The following MID1 variants were observed in gnomAD, a reference collection of about 807,000 sequenced individuals.
MID1 encodes the protein midline 1.
MID1 carries 7 observed loss-of-function variants against 40.4 expected under a neutral mutation model. The observed-to-expected ratio is 0.17, with a 90% confidence interval of 0.10 to 0.33. The LOEUF (loss-of-function observed/expected upper bound fraction) is 0.33. MID1 is among the 10% of genes least tolerant of loss of function. MID1 has a pLI of 1.00. For missense variants in MID1, 367 were observed against 558.5 expected (o/e 0.66, Z 3.46); for synonymous variants, 229 against 221.2 (o/e 1.04, Z -0.31).
At chrX:10,456,030 C>A (rs1928644313) in intron 8 of MID1, among the ~76,000 whole-genome samples, 1 of 112,363 alleles carries the variant, frequency 8.9e-6, no homozygotes, top group Non-Finnish European at 1.9e-5. Flanking sequence ...CAACCTGATA[C>A]AAATGCCATG....
Position 10,767,885 on chromosome X carries a change from G to T in MID1, c.-187+65669C>A, listed in dbSNP as rs2043741960. On this transcript the variant is annotated intron_variant, in intron 1 of 10. Coordinates refer to the MID1 transcript ENST00000380785. ...ATGAAATTAAGTATACATATTTATT[G>T]AATAAATCAATGTATTTATTAGATT... is the stretch of plus-strand genomic sequence containing the variant. Among the ~76,000 whole-genome samples the T allele has an allele frequency of 2.7e-5, 3 of 111,630 alleles. No individual in the cohort carries two copies. The South Asian group carries it at 1.1e-3, about 41-fold the overall frequency.
chrX:10,806,268 T>C (rs1299208309), intron 1 of MID1, among the ~76,000 whole-genome samples: 2 of 112,185 alleles, frequency 1.8e-5, no homozygotes, highest in Non-Finnish European at 3.8e-5. Flanking sequence ...AAGGAAGCGA[T>C]CCAGTTTCAG....
intron 1 of MID1, among the ~76,000 whole-genome samples, chrX:10,795,145 C>A (rs751818891): frequency 2.7e-4 from 30 of 111,747 alleles, no homozygotes; most frequent in African/African-American, 9.1e-4. Context: ...CCTTCTCCCC[C>A]CAAAATGTGA....
chrX:10,721,129 C>T (rs1303507666), intron 1 of MID1, among the ~76,000 whole-genome samples: 1 of 110,358 alleles, frequency 9.1e-6, no homozygotes, highest in Non-Finnish European at 1.9e-5. Context: ...AGCACGCCAA[C>T]ATGGCACATG....
intron 3 of MID1, chrX:10,505,877 C>T: frequency 1.3e-6 from 1 of 753,521 alleles, no homozygotes; most frequent in Non-Finnish European, 1.6e-6. Context: ...TGAGTTGGAC[C>T]CCTTTTTGGG....
At chrX:10,456,835 TC>T (rs1199350421) in intron 8 of MID1, among the ~76,000 whole-genome samples, 2 of 110,298 alleles carry the variant, frequency 1.8e-5, no homozygotes, top group Non-Finnish European at 3.8e-5. Flanking sequence ...AGGCACTGTC[TC>T]AAAAAAATAA....
At chrX:10,525,425 T>C (rs997518599) in intron 2 of MID1, among the ~76,000 whole-genome samples, 3 of 112,386 alleles carry the variant, frequency 2.7e-5, no homozygotes, top group Non-Finnish European at 5.6e-5. Context: ...CTCTTCTCCA[T>C]AATCTCAAAA....
At chrX:10,826,712 T>G (rs1164843194) in intron 1 of MID1, among the ~76,000 whole-genome samples, 2 of 111,786 alleles carry the variant, frequency 1.8e-5, no homozygotes, top group Non-Finnish European at 3.8e-5. Flanking sequence ...AACATATACC[T>G]CCATTTTATA....
intron 2 of MID1, among the ~76,000 whole-genome samples, chrX:10,558,211 C>A (rs1273648262): frequency 9.0e-6 from 1 of 111,446 alleles, no homozygotes; most frequent in Non-Finnish European, 1.9e-5. Flanking sequence ...CATTTGGCAC[C>A]CTGTGCTCTA....
intron 1 of MID1, among the ~76,000 whole-genome samples, chrX:10,662,677 T>C (rs2042923403): frequency 1.8e-5 from 2 of 112,106 alleles, no homozygotes; most frequent in Admixed American, 9.4e-5. Flanking sequence ...GTGCAATAAT[T>C]CTTCACATTC....
rs987588005 is a variant in MID1 at position 10,446,764 on chromosome X, G to A, written c.*2604C>T. ...ACAGCAGAGCATTAAATCAGGCTTAGGGCCCTTCTGAACTCCTGGGCTCTG... is the reference window on the plus strand; with the variant it reads ...ACAGCAGAGCATTAAATCAGGCTTAAGGCCCTTCTGAACTCCTGGGCTCTG... On this transcript the variant is annotated 3_prime_UTR_variant, in exon 10 of 10. Coordinates refer to ENST00000317552, the MANE Select transcript of MID1 (RefSeq NM_000381.4). 8 of 111,853 alleles carry A rather than the reference G, an allele frequency of 7.2e-5. No individual in the cohort carries two copies. The highest frequency in any genetic ancestry group is 2.6e-4 in the African/African-American group (8 of 30,646). 9.2% of individuals were successfully genotyped at this position (111,853 alleles called of 1,213,427 possible). A position where few individuals can be genotyped will look rare whatever the true frequency, so the allele number is the denominator to read the frequency against.
At chrX:10,523,607 G>T (rs763696779) in intron 2 of MID1, among the ~76,000 whole-genome samples, 7 of 112,221 alleles carry the variant, frequency 6.2e-5, no homozygotes, top group South Asian at 3.7e-4. Context: ...GGCAGGCTGA[G>T]GCTAATCCCT....
intron 1 of MID1, among the ~76,000 whole-genome samples, chrX:10,805,647 C>A (rs1380487394): frequency 2.5e-5 from 2 of 78,817 alleles, no homozygotes; most frequent in Non-Finnish European, 4.8e-5. Context: ...AATCGCCACA[C>A]TGACTTCCAC....
Position 10,469,801 on chromosome X carries a change from G to A in MID1, c.1181C>T (p.Ala394Val). ...PPTIREELCT[A>V]SYDTITVHWT... ...ATGCACAGTGATGGTGTCATATGAA[G>A]CTGTGCAGAGCTCTTCTCTAATTGT... Residue 394 changes from alanine (A) to valine (V), a missense_variant, in exon 7 of 10, where the codon GCT becomes GTT. By Grantham distance (64) the Ala-to-Val change is moderately conservative (BLOSUM62 0). This residue lies in a region of MID1 where 275 missense variants were observed against 383.1 expected (regional missense o/e 0.72). Transcript: ENST00000317552. 8.3e-7 allele frequency: 1 copy of A among 1,211,015 alleles called. No homozygotes were observed. Among genetic ancestry groups the A allele is most frequent in the Middle Eastern group, 2.3e-4 (1 of 4,351 alleles).
chrX:10,717,990 G>A (rs1487670730), intron 1 of MID1, among the ~76,000 whole-genome samples: 1 of 111,809 alleles, frequency 8.9e-6, no homozygotes, highest in African/African-American at 3.3e-5. Context: ...GATGTTCTTT[G>A]GAAAAAATGA....
chrX:10,816,073 G>T (rs1359239053), intron 1 of MID1, among the ~76,000 whole-genome samples: 1 of 112,044 alleles, frequency 8.9e-6, no homozygotes, highest in Non-Finnish European at 1.9e-5. Flanking sequence ...CCACCAATCT[G>T]CTTCTTTCCT....
intron 3 of MID1, among the ~76,000 whole-genome samples, chrX:10,516,609 T>TGCGC (rs367713528): frequency 1.4e-4 from 7 of 50,369 alleles, no homozygotes; most frequent in Middle Eastern, 9.8e-3. Flanking sequence ...TGTGTGTGTG[T>TGCGC]GCGCGCGCGC....
At chrX:10,647,840 C>T (rs1042325400) in intron 1 of MID1, among the ~76,000 whole-genome samples, 3 of 111,855 alleles carry the variant, frequency 2.7e-5, no homozygotes, top group Non-Finnish European at 5.6e-5. Flanking sequence ...CACAAATTAC[C>T]CAGAATAAGA....
intron 1 of MID1, among the ~76,000 whole-genome samples, chrX:10,592,274 TAAAAAAAAAAAA>T (rs144661774): frequency 7.1e-5 from 2 of 28,233 alleles, no homozygotes; most frequent in African/African-American, 1.4e-4. Flanking sequence ...GGGACTGCGT[TAAAAAAAAAAAA>T]AAAAAAAAAA....
Sources: allele counts gnomAD v4.1 joint callset (sites outside exome capture counted in the v4.1 genomes callset), GRCh38; gene constraint gnomAD v4.1.1; regional missense constraint gnomAD v4.1.1; transcripts MANE v1.5; gene names NCBI Gene and HGNC (gene_info 2026-07-23, HGNC 2026-07-21).